Variants in HECTD3 observed in about 807,000 individuals in gnomAD.
HECTD3 encodes the protein HECT domain E3 ubiquitin protein ligase 3, also known as E3 ubiquitin-protein ligase HECTD3.
A neutral mutation model predicts 109.3 loss-of-function variants in HECTD3; 72 were observed. The observed-to-expected ratio is 0.66, with a 90% CI of 0.54 to 0.80. HECTD3 has a LOEUF of 0.80. HECTD3 is among the 30% of genes least tolerant of loss of function. The probability of loss-of-function intolerance (pLI) is 0.00; values close to 1 mark genes in which losing one functional copy is unlikely to be tolerated. For synonymous variants in HECTD3, 481 were observed against 471.8 expected (o/e 1.02, Z -0.25); for missense variants, 1,041 against 1,165.2 (o/e 0.89, Z 1.55).
chr1:45,003,524 T>C lies in HECTD3; in HGVS notation c.2554A>G (p.Ile852Val). ...LRYAAYNCVA[I>V]DTDMSPWEE ...TCCCAAGGGCTCATGTCAGTGTCGA[T>C]GGCCACGCAGTTGTAGGCCGCATAG... The change falls in exon 21 of 21, where the codon ATC becomes GTC. Residue 852 changes from isoleucine (I) to valine (V), a missense_variant. Coordinates refer to ENST00000372172, the MANE Select transcript of HECTD3 (RefSeq NM_024602.6). This position sits in a 1 kb window ranked among gnomAD's most constrained non-coding sequence, Gnocchi z 4.7. 6.2e-7 allele frequency: 1 copy of C among 1,614,208 alleles called. No individual in the cohort carries two copies. Among genetic ancestry groups the C allele is most frequent in the Non-Finnish European group, 8.5e-7 (1 of 1,180,028 alleles).
At chr1:45,009,116 T>C (rs766276038) in intron 7 of HECTD3, 28 bp downstream of exon 7, 38 of 1,590,028 alleles carry the variant, frequency 2.4e-5, no homozygotes, top group South Asian at 2.1e-4. Context: ...CCGGGCTCTC[T>C]TTCCCTCCTT....
chr1:45,010,213 A>G lies in HECTD3; in HGVS notation c.611T>C (p.Val204Ala), dbSNP rs2148979219. The G allele has an allele frequency of 6.2e-7, 1 of 1,613,842 alleles. No individual in the cohort carries two copies. Among genetic ancestry groups the G allele is most frequent in the Non-Finnish European group, 8.5e-7 (1 of 1,179,958 alleles). Reference sequence around the variant, plus strand: ...CCAGCTCACTCACAGTAGCCTTTGTACAGCTTCTGCGTATGCCTCTGCCGG... The same window carrying G: ...CCAGCTCACTCACAGTAGCCTTTGTGCAGCTTCTGCGTATGCCTCTGCCGG... ...PQPAEAYAEAVQRLLYVPPTW... is the reference protein window; with the variant it reads ...PQPAEAYAEAAQRLLYVPPTW... The change falls in exon 3 of 21, where the codon GTA becomes GCA. Residue 204 changes from valine (V) to alanine (A), a missense_variant. Val to Ala is a moderately conservative substitution (Grantham distance 64). This residue lies in a region of HECTD3 where 472 missense variants were observed against 449.9 expected (regional missense o/e 1.05). Coordinates refer to ENST00000372172, the MANE Select transcript of HECTD3 (RefSeq NM_024602.6).
chr1:45,010,436 AC>A, intron 2 of HECTD3, 109 bp downstream of exon 2: 4 of 1,509,196 alleles, frequency 2.7e-6, no homozygotes, highest in Admixed American at 3.7e-5. Context: ...TCTGCTCTTA[AC>A]CCTGCCTCCG....
rs78779774 is a variant in HECTD3 at position 45,008,192 on chromosome 1, G to A, written c.1320+48C>T. Reference sequence around the variant, plus strand: ...TCTGCTAAGGAATGAACAACTACGTGAGCAGGAAGGGGAAATGCCAAGACC... The same window carrying A: ...TCTGCTAAGGAATGAACAACTACGTAAGCAGGAAGGGGAAATGCCAAGACC... On this transcript the variant is annotated intron_variant, in intron 9 of 20. Transcript: ENST00000372172. 2,172 of 1,430,078 alleles carry A rather than the reference G, an allele frequency of 1.5e-3. 34 individuals are homozygous for A. In the African/African-American group the frequency reaches 0.027, roughly 18 times the overall value. The allele number at this position is 1,430,078 out of a possible 1,614,324, so 88.6% of individuals were successfully genotyped here.
At chr1:45,009,506 G>A (rs1288650332) in intron 5 of HECTD3, 24 bp from the exon 6 acceptor site, 3 of 1,607,088 alleles carry the variant, frequency 1.9e-6, no homozygotes, top group East Asian at 2.2e-5. Context: ...GTGTGAATAT[G>A]AGTCTTTGTG....
Position 45,009,421 on chromosome 1 carries a change from A to G in HECTD3, c.937T>C (p.Tyr313His). The change falls in exon 6 of 21, where the codon TAT becomes CAT. Residue 313 changes from tyrosine to histidine, a missense_variant. Coordinates refer to ENST00000372172, the MANE Select transcript of HECTD3 (RefSeq NM_024602.6). ...DNFMPKRVVV[Y>H]GGEGDNLKKL... is the part of the protein sequence containing the mutation. ...TTCAGGTTGTCCCCTTCACCCCCAT[A>G]GACCACCACCCGCTTTGGCATAAAG... The G allele has an allele frequency of 6.2e-7, 1 of 1,614,072 alleles. No homozygotes were observed. Among genetic ancestry groups the G allele is most frequent in the Non-Finnish European group, 8.5e-7 (1 of 1,179,990 alleles).
chr1:45,007,153 TGTGTTTGTG>T lies in HECTD3; in HGVS notation c.1556+57_1556+65del, dbSNP rs1557728476. 17,444 of 1,416,508 alleles carry T rather than the reference TGTGTTTGTG, an allele frequency of 0.012. 1,263 individuals are homozygous for T. The African/African-American group carries it at 0.21, about 17-fold the overall frequency. The allele number at this position is 1,416,508 out of a possible 1,614,324, so 87.7% of individuals were successfully genotyped here. ...GTGTGTGTGTGTGTGTGTGTGTGTG[TGTGTTTGTG>T]TGTGTTTGTGTGCACAAACAGGTGT... On this transcript the variant is annotated intron_variant, in intron 11 of 20. Transcript: ENST00000372172.
Position 45,010,967 on chromosome 1 carries a change from C to A in HECTD3, c.291G>T (p.Glu97Asp). The part of the protein sequence containing the change: ...GPLRAARDSI[E>D]LRRGACVRTT... ...TGCGCACGCAGGCGCCGCGCCGGAG[C>A]TCAATGCTGTCGCGGGCGGCGCGGA... The change falls in exon 1 of 21, where the codon GAG becomes GAT. Residue 97 changes from glutamate to aspartate, a missense_variant. Around this residue, in one of 2 missense-constraint regions of HECTD3, gnomAD observed 472 missense variants for 449.9 expected, o/e 1.05. Coordinates refer to ENST00000372172, the MANE Select transcript of HECTD3 (RefSeq NM_024602.6). 1 of 1,527,670 alleles carries A rather than the reference C, an allele frequency of 6.5e-7. No homozygotes were observed. Among genetic ancestry groups the A allele is most frequent in the South Asian group, 1.2e-5 (1 of 82,326 alleles). The allele number at this position is 1,527,670 out of a possible 1,614,324, so 94.6% of individuals were successfully genotyped here.
chr1:45,003,390 C>T lies in HECTD3; in HGVS notation c.*102G>A. Reference sequence around the variant, plus strand: ...CAGGAGCAGGGCACATGGGGTTTTGCTGAGCACGTCAGCCAAACCAGGGCA... The same window carrying T: ...CAGGAGCAGGGCACATGGGGTTTTGTTGAGCACGTCAGCCAAACCAGGGCA... On this transcript the variant is annotated 3_prime_UTR_variant, in exon 21 of 21. Coordinates refer to ENST00000372172, the MANE Select transcript of HECTD3 (RefSeq NM_024602.6). The surrounding 1 kb of genome is among the most constrained non-coding windows in gnomAD (Gnocchi z 4.7). The T allele has an allele frequency of 2.0e-6, 2 of 1,023,872 alleles. No homozygotes were observed. The highest frequency in any genetic ancestry group is 1.4e-5 in the South Asian group (1 of 73,060). The allele number at this position is 1,023,872 out of a possible 1,614,324, so 63.4% of individuals were successfully genotyped here.
rs995304369 is a variant in HECTD3 at position 45,006,553 on chromosome 1, C to T, written c.1725+139G>A. On this transcript the variant is annotated intron_variant, in intron 13 of 20. Coordinates refer to ENST00000372172, the MANE Select transcript of HECTD3 (RefSeq NM_024602.6). This position sits in a 1 kb window ranked among gnomAD's most constrained non-coding sequence, Gnocchi z 4.7. ...TCCTGACCTCGTGATCTGCCCGCCT[C>T]GGCTTCCCAAAGTGCTGGGATTACA... 1.9e-5 allele frequency: 13 copies of T among 673,358 alleles called. No individual in the cohort carries two copies. Among genetic ancestry groups the T allele is most frequent in the South Asian group, 3.9e-5 (2 of 50,740 alleles). 41.7% of individuals were successfully genotyped at this position (673,358 alleles called of 1,614,324 possible). A position where few individuals can be genotyped will look rare whatever the true frequency, so the allele number is the denominator to read the frequency against.
At position 45,005,872 on chromosome 1, in the gene HECTD3, C is replaced by G; in HGVS notation, c.1857G>C (p.Leu619=). 6.2e-7 allele frequency: 1 copy of G among 1,607,664 alleles called. No individual in the cohort carries two copies. Among genetic ancestry groups the G allele is most frequent in the Non-Finnish European group, 8.5e-7 (1 of 1,176,694 alleles). ...AAAGCTGCTTCCACACAAAACCAGG[C>G]AGGGCCAGGACCTGTGTGACAAACA... ...LRGKEFLVLA[L]PGFVWKQLSG... Residue 619 remains leucine (L), a synonymous_variant, in exon 15 of 21, where the codon CTG becomes CTC. Coordinates refer to ENST00000372172, the MANE Select transcript of HECTD3 (RefSeq NM_024602.6).
chr1:45,004,809 A>G lies in HECTD3; in HGVS notation c.1936-3T>C. The G allele has an allele frequency of 3.7e-6, 6 of 1,613,864 alleles. No individual in the cohort carries two copies. Among genetic ancestry groups the G allele is most frequent in the Non-Finnish European group, 5.1e-6 (6 of 1,179,786 alleles). ...TCCATCACTTCCAGGAGCTTCACCT[A>G]GGGGTTGGAGAGAGGCAGGGAGGTA... On this transcript the variant is annotated splice_polypyrimidine_tract_variant and splice_region_variant and intron_variant, in intron 15 of 20. Coordinates refer to ENST00000372172, the MANE Select transcript of HECTD3 (RefSeq NM_024602.6).
rs1025589984 is a variant in HECTD3, at chr1:45,007,675, G to A, written c.1321-80C>T. The A allele has an allele frequency of 3.2e-5, 38 of 1,186,492 alleles. No homozygotes were observed. The Middle Eastern group carries it at 8.4e-4, about 26-fold the overall frequency. 73.5% of individuals were successfully genotyped at this position (1,186,492 alleles called of 1,614,324 possible). ...GGCCCTGGAACTTTCCCCTCTGCCT[G>A]TATCCAATTCCACCGTTTCAGTTCA... On this transcript the variant is annotated intron_variant, in intron 9 of 20. Transcript: ENST00000372172.
At chr1:45,005,508 G>T in intron 15 of HECTD3, 1 of 322,728 alleles carries the variant, frequency 3.1e-6, no homozygotes, top group Non-Finnish European at 5.7e-6. Context: ...AGCCCTAGAG[G>T]GGAGTAGTCT....
Position 45,010,885 on chromosome 1 carries a change from G to T in HECTD3, c.369+4C>A. The T allele has an allele frequency of 6.6e-7, 1 of 1,518,856 alleles. No homozygotes were observed. The highest frequency in any genetic ancestry group is 8.7e-7 in the Non-Finnish European group (1 of 1,144,888). 94.1% of individuals were successfully genotyped at this position (1,518,856 alleles called of 1,614,324 possible). A position where few individuals can be genotyped will look rare whatever the true frequency, so the allele number is the denominator to read the frequency against. ...TACCGGGTCCTGGGCAGGGAAGAGC[G>T]CACCTTTGTCAGCTTCACCCAGAGC... is the stretch of plus-strand genomic sequence containing the variant. On this transcript the variant is annotated splice_donor_region_variant and intron_variant, in intron 1 of 20. Transcript: ENST00000372172.
At position 45,007,240 on chromosome 1, in the gene HECTD3, T is replaced by C. The variant is rs1175759626; in HGVS notation, c.1535A>G (p.Tyr512Cys). 2 of 1,613,412 alleles carry C rather than the reference T, an allele frequency of 1.2e-6. No individual in the cohort carries two copies. The highest frequency in any genetic ancestry group is 8.5e-7 in the Non-Finnish European group (1 of 1,179,694). Reference sequence around the variant, plus strand: ...ATACCTGTAGTCCAGGGGCTTTTCATATTTGTCAGAGGGCTTGAGGCCTTC... The same window carrying C: ...ATACCTGTAGTCCAGGGGCTTTTCACATTTGTCAGAGGGCTTGAGGCCTTC... ...VYEGLKPSDK[Y>C]EKPLDYRWPM... Residue 512 changes from tyrosine (Y) to cysteine (C), a missense_variant, in exon 11 of 21, where the codon TAT becomes TGT. Physicochemically the swap from Tyr to Cys is radical, Grantham distance 194. This residue lies in a region of HECTD3 where 569 missense variants were observed against 715.3 expected (regional missense o/e 0.80). Coordinates refer to ENST00000372172, the MANE Select transcript of HECTD3 (RefSeq NM_024602.6).
chr1:45,008,648 G>A lies in HECTD3; in HGVS notation c.1126C>T (p.Arg376Trp), dbSNP rs772494067. The change falls in exon 8 of 21, where the codon CGG becomes TGG. Residue 376 changes from arginine to tryptophan, a missense_variant. Physicochemically the swap from Arg to Trp is moderately radical, Grantham distance 101. This residue lies in a region of HECTD3 where 569 missense variants were observed against 715.3 expected (regional missense o/e 0.80). Transcript: ENST00000372172. ...AGGTCTGCATTCAACCCTAGTTCCC[G>A]CTGTCTAGATGACTTGATCTTGACC... ...RGVKIKSSRQ[R>W]ELGLNADLFQ... The A allele has an allele frequency of 7.4e-6, 12 of 1,613,786 alleles. No homozygotes were observed. Among genetic ancestry groups the A allele is most frequent in the Non-Finnish European group, 1.0e-5 (12 of 1,179,960 alleles).
Position 45,007,610 on chromosome 1 carries a change from T to G in HECTD3, c.1321-15A>C. ...TGCTTCACTTGCTAGTGAGGAGAGGTGGCCAGAGCAGGAATGAGTGGGCAG... is the reference window on the plus strand; with the variant it reads ...TGCTTCACTTGCTAGTGAGGAGAGGGGGCCAGAGCAGGAATGAGTGGGCAG... On this transcript the variant is annotated splice_polypyrimidine_tract_variant and intron_variant, in intron 9 of 20. Transcript: ENST00000372172. The G allele has an allele frequency of 4.4e-6, 7 of 1,602,466 alleles. No homozygotes were observed. The highest frequency in any genetic ancestry group is 5.9e-6 in the Non-Finnish European group (7 of 1,178,424).
At chr1:45,004,988 G>T in intron 15 of HECTD3, 182 bp from the exon 16 acceptor site, 1 of 622,310 alleles carries the variant, frequency 1.6e-6, no homozygotes, top group Admixed American at 2.6e-5. Context: ...AACCAGCCTT[G>T]GAGGCCAGAG....
Sources: allele counts gnomAD v4.1 joint callset, GRCh38; gene constraint gnomAD v4.1.1; regional missense constraint gnomAD v4.1.1; non-coding constraint Gnocchi (gnomAD v3.1); transcripts MANE v1.5; gene names NCBI Gene and HGNC (gene_info 2026-07-23, HGNC 2026-07-21).